Variants in JAK3 observed in about 807,000 individuals in gnomAD.
JAK3 encodes the protein tyrosine-protein kinase JAK3.
In JAK3, 88 loss-of-function variants were observed where a neutral mutation model predicts 120.8. The ratio of observed to expected loss-of-function variants is 0.73; its 90% CI spans 0.61 to 0.87. JAK3 has a LOEUF of 0.87. JAK3 is among the 40% of genes least tolerant of loss of function. The pLI, the probability that JAK3 is intolerant of heterozygous loss-of-function variation, is 0.00. For synonymous variants in JAK3, 592 were observed against 628.6 expected (o/e 0.94, Z 0.87); for missense variants, 1,254 against 1,501.4 (o/e 0.84, Z 2.72).
chr19:17,847,762 C>A (rs2094255614), intron 1 of JAK3, among the ~76,000 whole-genome samples, 184 bp downstream of exon 1: 1 of 152,202 alleles, frequency 6.6e-6, no homozygotes, highest in Admixed American at 6.6e-5. Flanking sequence ...AAGCCGAAGC[C>A]CAGAGAAGCG....
intron 23 of JAK3, among the ~76,000 whole-genome samples, chr19:17,829,538 G>A (rs1192538402): frequency 2.6e-5 from 4 of 152,024 alleles, no homozygotes; most frequent in South Asian, 2.1e-4. Flanking sequence ...CAGGAGAATC[G>A]CTTGAGCCCA....
Position 17,842,394 on chromosome 19 carries a change from G to T in JAK3, c.783C>A (p.Ala261=). 6.3e-7 allele frequency: 1 copy of T among 1,584,364 alleles called. No homozygotes were observed. The part of the protein sequence containing the change: ...AETFHVGLPG[A]LGGHDGLGLL... ...GCCCCAGCCCGTCGTGGCCACCAAG[G>T]GCCCCAGGGAGGCCCACGTGGAAGG... The change falls in exon 6 of 24, where the codon GCC becomes GCA. Residue 261 remains alanine (A), a synonymous_variant. Coordinates refer to ENST00000458235, the MANE Select transcript of JAK3 (RefSeq NM_000215.4). The surrounding 1 kb of genome is among the most constrained non-coding windows in gnomAD (Gnocchi z 6.4).
rs769510241 is a variant in JAK3 at position 17,831,287 on chromosome 19, C to T, written c.2919G>A (p.Leu973=). ...CGTAGTAGTCTTTGTCAAGCGGCAG[C>T]AGCTTAGCTAGGCCGAAGTCAGCGA... ...VKIADFGLAK[L]LPLDKDYYVV... is the part of the protein sequence containing the mutation. The change falls in exon 21 of 24, where the codon CTG becomes CTA. Residue 973 remains leucine (L), a synonymous_variant. Coordinates refer to ENST00000458235, the MANE Select transcript of JAK3 (RefSeq NM_000215.4). The surrounding 1 kb of genome is among the most constrained non-coding windows in gnomAD (Gnocchi z 5.1). 6.8e-6 allele frequency: 11 copies of T among 1,612,792 alleles called. No homozygotes were observed. Among genetic ancestry groups the T allele is most frequent in the African/African-American group, 5.3e-5 (4 of 74,966 alleles).
intron 1 of JAK3, among the ~76,000 whole-genome samples, chr19:17,847,295 G>GT (rs1472068798): frequency 2.0e-5 from 3 of 152,064 alleles, no homozygotes; most frequent in Non-Finnish European, 4.4e-5. Context: ...GAGGCCAGGG[G>GT]TTAGAGACCT....
At chr19:17,829,345 G>A (rs1220747692) in intron 23 of JAK3, among the ~76,000 whole-genome samples, 2 of 152,088 alleles carry the variant, frequency 1.3e-5, no homozygotes, top group African/African-American at 2.4e-5. Context: ...TTTTAGTAGA[G>A]ACAGGGTGTC....
In JAK3 at chr19:17,832,944, T is replaced by C; in HGVS notation, c.2351-15A>G. The C allele has an allele frequency of 6.2e-7, 1 of 1,610,210 alleles. No homozygotes were observed. The highest frequency in any genetic ancestry group is 8.5e-7 in the Non-Finnish European group (1 of 1,178,450). ...GAGCTCATAGTCTGGGGTGGGGGCATGGGCAGTGGTAAGCAGCGCCTCTCA... is the reference window on the plus strand; with the variant it reads ...GAGCTCATAGTCTGGGGTGGGGGCACGGGCAGTGGTAAGCAGCGCCTCTCA... On this transcript the variant is annotated splice_polypyrimidine_tract_variant and intron_variant, in intron 17 of 23. Coordinates refer to ENST00000458235, the MANE Select transcript of JAK3 (RefSeq NM_000215.4). The surrounding 1 kb of genome is among the most constrained non-coding windows in gnomAD (Gnocchi z 4.7).
Position 17,831,117 on chromosome 19 carries a change from A to C in JAK3, c.2978+111T>G. ...GAGGGGCCAAAGCTGCAGCGGAGGA[A>C]GGGCGGGGCTAAGGCTGGGGAGCAA... On this transcript the variant is annotated intron_variant, in intron 21 of 23. Transcript: ENST00000458235. The surrounding 1 kb of genome is among the most constrained non-coding windows in gnomAD (Gnocchi z 5.1). 9.5e-7 allele frequency: 1 copy of C among 1,050,986 alleles called. No individual in the cohort carries two copies. The highest frequency in any genetic ancestry group is 1.3e-6 in the Non-Finnish European group (1 of 773,070). The allele number at this position is 1,050,986 out of a possible 1,614,324, so 65.1% of individuals were successfully genotyped here.
chr19:17,835,804 C>A, intron 14 of JAK3, 120 bp downstream of exon 14: 1 of 1,267,262 alleles, frequency 7.9e-7, no homozygotes, highest in South Asian at 1.3e-5. Flanking sequence ...CCTAAAATGC[C>A]CTCCCCTCGA....
chr19:17,847,582 CG>C (rs1370196677), intron 1 of JAK3, among the ~76,000 whole-genome samples: 1 of 152,128 alleles, frequency 6.6e-6, no homozygotes, highest in African/African-American at 2.4e-5. Flanking sequence ...CTGGTATGGT[CG>C]GGTACCCTGT....
intron 13 of JAK3, among the ~76,000 whole-genome samples, chr19:17,836,529 G>A (rs1188672989): frequency 2.6e-5 from 4 of 152,024 alleles, no homozygotes; most frequent in Admixed American, 6.6e-5. Context: ...TGATCCACTC[G>A]CCTCGGCTTT....
rs766866864 is a variant in JAK3 at position 17,844,347 on chromosome 19, C to T, written c.71G>A (p.Gly24Asp). The change falls in exon 2 of 24, where the codon GGT (glycine) becomes GAT (aspartate). Residue 24 changes from glycine (G) to aspartate (D), a missense_variant. Gly to Asp is a moderately conservative substitution (Grantham distance 94). Transcript: ENST00000458235. ...AGCGGGCAGCAGCACATGCAGGGCACCAGCCTCCGTGGACAAGAGGCTGCA... is the reference window on the plus strand; with the variant it reads ...AGCGGGCAGCAGCACATGCAGGGCATCAGCCTCCGTGGACAAGAGGCTGCA... ...RSCSLLSTEA[G>D]ALHVLLPARG... 3 of 1,611,830 alleles carry T rather than the reference C, an allele frequency of 1.9e-6. No individual in the cohort carries two copies. Among genetic ancestry groups the T allele is most frequent in the Non-Finnish European group, 2.5e-6 (3 of 1,179,592 alleles).
chr19:17,841,851 C>A lies in JAK3; in HGVS notation c.862-89G>T. ...ACCCACCCCCAAGCCACACCATCCA[C>A]TCCCTATCCCTTTGCCATTCAACCC... On this transcript the variant is annotated intron_variant, in intron 6 of 23. Coordinates refer to ENST00000458235, the MANE Select transcript of JAK3 (RefSeq NM_000215.4). This position sits in a 1 kb window ranked among gnomAD's most constrained non-coding sequence, Gnocchi z 4.1. 6.4e-7 allele frequency: 1 copy of A among 1,564,072 alleles called. No homozygotes were observed. Among genetic ancestry groups the A allele is most frequent in the South Asian group, 1.1e-5 (1 of 89,278 alleles).
intron 1 of JAK3, among the ~76,000 whole-genome samples, chr19:17,846,911 G>GA (rs567413488): frequency 5.1e-4 from 77 of 150,118 alleles, no homozygotes; most frequent in Non-Finnish European, 1.2e-4. Flanking sequence ...TATTTTGTAG[G>GA]GGGGAGGACG....
Position 17,831,848 on chromosome 19 carries a change from C to A in JAK3, c.2681-50G>T. The A allele has an allele frequency of 6.2e-7, 1 of 1,605,464 alleles. No individual in the cohort carries two copies. On this transcript the variant is annotated intron_variant, in intron 19 of 23. Coordinates refer to ENST00000458235, the MANE Select transcript of JAK3 (RefSeq NM_000215.4). This position sits in a 1 kb window ranked among gnomAD's most constrained non-coding sequence, Gnocchi z 5.1. Reference sequence around the variant, plus strand: ...GCAGGGCCCAGCCCTGCTCGTCCCCCCATTCTTCCCCCCTTTCACAGTGGG... The same window carrying A: ...GCAGGGCCCAGCCCTGCTCGTCCCCACATTCTTCCCCCCTTTCACAGTGGG...
Position 17,843,842 on chromosome 19 carries a change from C to CCAGCAGGA in JAK3, c.235_242dup (p.Trp81CysfsTer69), listed in dbSNP as rs2094245783. ...CGGAGAAGATGTGGCTCGGGGGGAA[C>CCAGCAGGA]CAGCAGGACAGGTCCTCCGTGGCCA... On this transcript the variant is annotated frameshift_variant, in exon 3 of 24. Coordinates refer to ENST00000458235, the MANE Select transcript of JAK3 (RefSeq NM_000215.4). LOFTEE classifies it high-confidence loss of function. This position sits in a 1 kb window ranked among gnomAD's most constrained non-coding sequence, Gnocchi z 5.4. The CCAGCAGGA allele has an allele frequency of 6.2e-7, 1 of 1,613,380 alleles. No individual in the cohort carries two copies. Among genetic ancestry groups the CCAGCAGGA allele is most frequent in the Non-Finnish European group, 8.5e-7 (1 of 1,179,958 alleles).
At chr19:17,827,569 A>T (rs2094206111) in intron 23 of JAK3, among the ~76,000 whole-genome samples, 1 of 150,024 alleles carries the variant, frequency 6.7e-6, no homozygotes, top group South Asian at 2.1e-4. Context: ...CTGGTCTTGA[A>T]CTCCTGACCT....
chr19:17,840,119 CTT>C, intron 9 of JAK3, 109 bp downstream of exon 9: 1 of 768,660 alleles, frequency 1.3e-6, no homozygotes, highest in Non-Finnish European at 2.3e-6. Context: ...CCGGGGGTGT[CTT>C]TTCCCTCCTA....
chr19:17,841,618 G>C lies in JAK3; in HGVS notation c.984+22C>G. ...TCCCGCCCTCGGGGTAAGGCTGAAG[G>C]GGAGGGGAATCCTGCACCCACTAAA... On this transcript the variant is annotated intron_variant, in intron 7 of 23. Coordinates refer to ENST00000458235, the MANE Select transcript of JAK3 (RefSeq NM_000215.4). This position sits in a 1 kb window ranked among gnomAD's most constrained non-coding sequence, Gnocchi z 4.1. The C allele has an allele frequency of 6.2e-7, 1 of 1,613,728 alleles. No individual in the cohort carries two copies.
Position 17,837,118 on chromosome 19 carries a change from G to A in JAK3, c.1786+11C>T. The stretch of plus-strand genomic sequence containing the variant: ...AGGCAGGGGTGGGGTGGGTGGGTGG[G>A]GGGCTCTCACTGTCTCCAGCCATGC... On this transcript the variant is annotated intron_variant, in intron 13 of 23. Transcript: ENST00000458235. 2.2e-6 allele frequency: 2 copies of A among 895,626 alleles called. No homozygotes were observed. The highest frequency in any genetic ancestry group is 3.2e-6 in the Non-Finnish European group (2 of 625,062). 55.5% of individuals were successfully genotyped at this position (895,626 alleles called of 1,614,324 possible). A position where few individuals can be genotyped will look rare whatever the true frequency, so the allele number is the denominator to read the frequency against.
Sources: gnomAD v4.1 joint callset for allele counts (sites outside exome capture counted in the v4.1 genomes callset) on GRCh38, gnomAD v4.1.1 for gene constraint, Gnocchi (gnomAD v3.1) non-coding constraint, MANE v1.5 for transcripts, NCBI Gene and HGNC (gene_info 2026-07-23, HGNC 2026-07-21) for gene names.